The following LDB2 variants were observed in gnomAD, a reference collection of about 807,000 sequenced individuals.
LDB2 encodes LIM domain-binding protein 2.
In LDB2, 12 loss-of-function variants were observed where a neutral mutation model predicts 44.3. The ratio of observed to expected loss-of-function variants is 0.27; its 90% CI spans 0.17 to 0.44. The LOEUF (loss-of-function observed/expected upper bound fraction) is 0.44, where lower values mean the gene tolerates loss of function less well. Among genes scored for constraint, LDB2 ranks in the 20% least tolerant of loss-of-function variants. The probability of loss-of-function intolerance (pLI) is 1.00; values close to 1 mark genes in which losing one functional copy is unlikely to be tolerated. For synonymous variants in LDB2, 164 were observed against 174.8 expected (o/e 0.94, Z 0.49); for missense variants, 344 against 473.5 (o/e 0.73, Z 2.54).
intron 2 of LDB2, among the ~76,000 whole-genome samples, chr4:16,643,998 TTGAG>T (rs1306933685): frequency 6.6e-6 from 1 of 152,226 alleles, no homozygotes; most frequent in African/African-American, 2.4e-5. Context: ...GTGCTGCTTC[TTGAG>T]TAATTGTTTT....
At chr4:16,713,780 A>G (rs927172261) in intron 2 of LDB2, among the ~76,000 whole-genome samples, 4 of 152,174 alleles carry the variant, frequency 2.6e-5, no homozygotes, top group Non-Finnish European at 5.9e-5. Flanking sequence ...ATGTTAGACA[A>G]TCCTCTACTC....
chr4:16,890,406 G>A (rs1123395), intron 1 of LDB2, among the ~76,000 whole-genome samples: 44,853 of 152,028 alleles, frequency 0.3, 7,177 homozygotes, highest in Admixed American at 0.36. Flanking sequence ...AGAGAGGCTG[G>A]GGGCTCGCAA....
At chr4:16,846,409 G>C (rs1022514253) in intron 1 of LDB2, among the ~76,000 whole-genome samples, 2 of 152,200 alleles carry the variant, frequency 1.3e-5, no homozygotes, top group African/African-American at 4.8e-5. Context: ...TACCCCTGGT[G>C]CTGTTGGTAA....
At position 16,739,684 on chromosome 4, in the gene LDB2, ATATGTATATATACATATATGTG is replaced by A. The variant is rs1561056239; in HGVS notation, c.235+19452_235+19473del. On this transcript the variant is annotated intron_variant, in intron 2 of 7. Transcript: ENST00000304523. Reference sequence around the variant, plus strand: ...TATGTATATATACATATGTGTGTATATATGTATATATACATATATGTGTATATATGTATATATACATATATGT... The same window carrying A: ...TATGTATATATACATATGTGTGTATATATATATGTATATATACATATATGT... 9.9e-4 allele frequency among the ~76,000 whole-genome samples: 82 copies of A among 82,492 alleles called. 9 individuals are homozygous for A. The highest frequency in any genetic ancestry group is 3.8e-3 in the African/African-American group (78 of 20,470). 54.1% of individuals were successfully genotyped at this position (82,492 alleles called of 152,430 possible). A position where few individuals can be genotyped will look rare whatever the true frequency, so the allele number is the denominator to read the frequency against.
chr4:16,808,836 T>G (rs1466567267), intron 1 of LDB2, among the ~76,000 whole-genome samples: 3 of 152,116 alleles, frequency 2.0e-5, no homozygotes, highest in Admixed American at 1.3e-4. Context: ...CAGCAGTAAA[T>G]AGCGGGTCCT....
chr4:16,678,743 TG>T (rs1333883751), intron 2 of LDB2, among the ~76,000 whole-genome samples: 1 of 152,222 alleles, frequency 6.6e-6, no homozygotes. Context: ...GGGCAGGGCC[TG>T]GAGGCAGATG....
At chr4:16,529,679 T>G (rs1044092484) in intron 5 of LDB2, among the ~76,000 whole-genome samples, 3 of 152,210 alleles carry the variant, frequency 2.0e-5, no homozygotes, top group African/African-American at 7.2e-5. Flanking sequence ...TCTCATTGTT[T>G]CCCTTTCATT....
In LDB2 at chr4:16,563,211, T is replaced by TATA. The variant is rs918818723; in HGVS notation, c.615+22708_615+22710dup. ...TGCACATGTACCCTAAAACTTAAAG[T>TATA]ATAATAATAATAATAATAAAAAGAC... On this transcript the variant is annotated intron_variant, in intron 5 of 7. Coordinates refer to ENST00000304523, the MANE Select transcript of LDB2 (RefSeq NM_001290.5). Among the ~76,000 whole-genome samples, 67 of 150,910 alleles carry TATA rather than the reference T, an allele frequency of 4.4e-4. 1 individual carries two copies. Among genetic ancestry groups the TATA allele is most frequent in the East Asian group, 1.2e-3 (6 of 5,150 alleles).
intron 5 of LDB2, among the ~76,000 whole-genome samples, chr4:16,583,310 C>T (rs1019074550): frequency 2.0e-5 from 3 of 152,204 alleles, no homozygotes; most frequent in African/African-American, 7.2e-5. Flanking sequence ...CTTTCCAAAA[C>T]AGGACGCATC....
chr4:16,634,563 T>C (rs1733009134), intron 2 of LDB2, among the ~76,000 whole-genome samples: 2 of 152,168 alleles, frequency 1.3e-5, no homozygotes, highest in South Asian at 4.1e-4. Context: ...TAACTGGTCA[T>C]TAGAGAAATG....
intron 2 of LDB2, among the ~76,000 whole-genome samples, chr4:16,723,202 T>A (rs1010711755): frequency 7.1e-6 from 1 of 140,406 alleles, no homozygotes; most frequent in African/African-American, 2.6e-5. Context: ...CTGACTTTGG[T>A]TTTTGTTGCT....
At chr4:16,526,762 C>T (rs991897102) in intron 5 of LDB2, among the ~76,000 whole-genome samples, 1 of 152,208 alleles carries the variant, frequency 6.6e-6, no homozygotes, top group Non-Finnish European at 1.5e-5. Context: ...GAAACAGATT[C>T]TCCCTGAGAG....
At chr4:16,590,273 G>C (rs1049632383) in intron 3 of LDB2, among the ~76,000 whole-genome samples, 2 of 152,064 alleles carry the variant, frequency 1.3e-5, no homozygotes, top group African/African-American at 4.8e-5. Flanking sequence ...TTTGGAGAAA[G>C]ATTTCCTAGG....
intron 1 of LDB2, among the ~76,000 whole-genome samples, chr4:16,845,367 G>A (rs1786774476): frequency 6.6e-6 from 1 of 152,158 alleles, no homozygotes; most frequent in East Asian, 1.9e-4. Context: ...TTTCCTTTGA[G>A]CACTGGTGGG....
rs556699725 is a variant in LDB2, at chr4:16,845,874, G to A, written c.132+52480C>T. Among the ~76,000 whole-genome samples the A allele has an allele frequency of 5.9e-5, 9 of 152,144 alleles. No individual in the cohort carries two copies. In the South Asian group the frequency reaches 8.3e-4, roughly 14 times the overall value. Reference sequence around the variant, plus strand: ...TGTAATCCCAGCAGTTTGGGAGGCCGAGGTGGGTGGATCACCTGAGGTCAG... The same window carrying A: ...TGTAATCCCAGCAGTTTGGGAGGCCAAGGTGGGTGGATCACCTGAGGTCAG... On this transcript the variant is annotated intron_variant, in intron 1 of 7. Coordinates refer to ENST00000304523, the MANE Select transcript of LDB2 (RefSeq NM_001290.5).
intron 1 of LDB2, among the ~76,000 whole-genome samples, chr4:16,798,053 A>AAG (rs1777085156): frequency 6.6e-6 from 1 of 150,664 alleles, no homozygotes; most frequent in African/African-American, 2.5e-5. Flanking sequence ...AAAAAAAAAA[A>AAG]GCTGTATAAT....
chr4:16,636,915 G>A (rs184688178), intron 2 of LDB2, among the ~76,000 whole-genome samples: 1 of 152,300 alleles, frequency 6.6e-6, no homozygotes, highest in Admixed American at 6.5e-5. Context: ...AGCACTATCT[G>A]TGTTGTATTA....
intron 2 of LDB2, among the ~76,000 whole-genome samples, chr4:16,607,611 G>A (rs1724306303): frequency 6.6e-6 from 1 of 151,360 alleles, no homozygotes; most frequent in African/African-American, 2.4e-5. Flanking sequence ...GAAGTGCTTA[G>A]CACAATGCCT....
intron 2 of LDB2, among the ~76,000 whole-genome samples, chr4:16,638,929 G>A (rs1278616820): frequency 3.3e-5 from 5 of 152,104 alleles, no homozygotes; most frequent in Non-Finnish European, 7.4e-5. Flanking sequence ...CTTTTTTAAT[G>A]CTCTGTTAAA....
Sources: allele counts gnomAD v4.1 joint callset (sites outside exome capture counted in the v4.1 genomes callset), GRCh38; gene constraint gnomAD v4.1.1; transcripts MANE v1.5; gene names NCBI Gene and HGNC (gene_info 2026-07-23, HGNC 2026-07-21).